TRRAP: variants seen among roughly 807,000 people sequenced by gnomAD.
The protein encoded by TRRAP is transformation/transcription domain associated protein.
A neutral mutation model predicts 438.8 loss-of-function variants in TRRAP; 41 were observed. The ratio of observed to expected loss-of-function variants is 0.09; its 90% CI spans 0.07 to 0.12. The LOEUF (loss-of-function observed/expected upper bound fraction) is 0.12. Among genes scored for constraint, TRRAP ranks in the 10% least tolerant of loss-of-function variants. The probability of loss-of-function intolerance (pLI) is 1.00; values close to 1 mark genes in which losing one functional copy is unlikely to be tolerated. For synonymous variants in TRRAP, 1,994 were observed against 1,962.9 expected (o/e 1.02, Z -0.42); for missense variants, 3,122 against 5,055.1 (o/e 0.62, Z 11.60).
At chr7:98,992,560 CGTGTGT>C (rs72517544) in intron 65 of TRRAP, among the ~76,000 whole-genome samples, 22 of 149,124 alleles carry the variant, frequency 1.5e-4, no homozygotes, top group South Asian at 8.6e-4. Context: ...TGCCAGCTGC[CGTGTGT>C]GTGTGTGTGT....
intron 8 of TRRAP, 134 bp downstream of exon 8, chr7:98,898,000 G>A: frequency 7.1e-7 from 1 of 1,399,182 alleles, no homozygotes; most frequent in Non-Finnish European, 9.9e-7. Context: ...AGCATCACTG[G>A]TCCTTCTCTG....
chr7:98,940,025 G>A (rs999880003), intron 30 of TRRAP, among the ~76,000 whole-genome samples: 11 of 152,014 alleles, frequency 7.2e-5, no homozygotes. Flanking sequence ...GGGATTACAG[G>A]TGTCTGCCAC....
intron 31 of TRRAP, among the ~76,000 whole-genome samples, chr7:98,945,264 A>G (rs310742): frequency 0.12 from 17,939 of 152,220 alleles, 3,268 homozygotes; most frequent in African/African-American, 0.39. Flanking sequence ...ACACAGAGCT[A>G]GTTTTAGGAA....
Position 99,008,414 on chromosome 7 carries a change from C to T in TRRAP, c.10791C>T (p.Leu3597=), listed in dbSNP as rs150520147. 15 of 1,614,116 alleles carry T rather than the reference C, an allele frequency of 9.3e-6. No homozygotes were observed. The highest frequency in any genetic ancestry group is 1.6e-4 in the Middle Eastern group (1 of 6,084). ...RVVAVSPQMR[L]VEDNPSSLSL... is the part of the protein sequence containing the mutation. ...TGGCAGTTTCCCCACAGATGCGCCT[C>T]GTGGAGGACAACCCCTCTTCACTTT... Residue 3597 remains leucine (L), a synonymous_variant, in exon 70 of 73, where the codon CTC becomes CTT. Transcript: ENST00000456197.
intron 65 of TRRAP, among the ~76,000 whole-genome samples, chr7:98,992,504 GT>G (rs1793470414): frequency 6.6e-6 from 1 of 152,148 alleles, no homozygotes; most frequent in Non-Finnish European, 1.5e-5. Context: ...AAACTGTAAA[GT>G]TTACCTTTCT....
In TRRAP at chr7:98,978,238, G is replaced by T; in HGVS notation, c.8413G>T (p.Asp2805Tyr). ...ACAAGAATCCTATGAAAAGGCAATGGATAAAGCCAAAAAAGAACATGAGAG... is the reference window on the plus strand; with the variant it reads ...ACAAGAATCCTATGAAAAGGCAATGTATAAAGCCAAAAAAGAACATGAGAG... Reference protein sequence around the residue: ...QAQESYEKAMDKAKKEHERSN... With the variant: ...QAQESYEKAMYKAKKEHERSN... The change falls in exon 57 of 73, where the codon GAT becomes TAT. Residue 2805 changes from aspartate to tyrosine, a missense_variant. Around this residue, in one of 24 missense-constraint regions of TRRAP, gnomAD observed 992 missense variants for 1,281.2 expected, o/e 0.77. Coordinates refer to ENST00000456197, the MANE Select transcript of TRRAP (RefSeq NM_001375524.1). 6.2e-7 allele frequency: 1 copy of T among 1,614,032 alleles called. No homozygotes were observed. The highest frequency in any genetic ancestry group is 8.5e-7 in the Non-Finnish European group (1 of 1,179,986).
At chr7:98,979,704 C>T (rs1423586704) in intron 58 of TRRAP, among the ~76,000 whole-genome samples, 1 of 152,210 alleles carries the variant, frequency 6.6e-6, no homozygotes, top group Non-Finnish European at 1.5e-5. Flanking sequence ...TATGCAGCGT[C>T]ACATGGTCCC....
In TRRAP at chr7:98,971,856, A is replaced by G. The variant is rs1357296242; in HGVS notation, c.7750A>G (p.Lys2584Glu). ...GGATCAGACCAGCACGCCCAAAACC[A>G]AAGAACTTTCAGAAAAGGACATTGG... ...PGDQTSTPKT[K>E]ELSEKDIGNQ... The change falls in exon 53 of 73, where the codon AAA (lysine) becomes GAA (glutamate). Residue 2584 changes from lysine to glutamate, a missense_variant. This residue lies in a region of TRRAP where 992 missense variants were observed against 1,281.2 expected (regional missense o/e 0.77). Coordinates refer to ENST00000456197, the MANE Select transcript of TRRAP (RefSeq NM_001375524.1). 6.2e-7 allele frequency: 1 copy of G among 1,614,226 alleles called. No individual in the cohort carries two copies. The highest frequency in any genetic ancestry group is 8.5e-7 in the Non-Finnish European group (1 of 1,180,048).
chr7:98,963,573 C>T lies in TRRAP; in HGVS notation c.6830-1056C>T, dbSNP rs139757534. ...GCCGGATCTGGGGTGTAGTCTCAGC[C>T]GTCTGCTCCATAGAGGAGAGCATAG... On this transcript the variant is annotated intron_variant, in intron 47 of 72. Transcript: ENST00000456197. Among the ~76,000 whole-genome samples the T allele has an allele frequency of 9.9e-4, 151 of 152,146 alleles. 1 individual carries two copies. The highest frequency in any genetic ancestry group is 3.6e-3 in the African/African-American group (148 of 41,504).
At chr7:98,954,116 G>A (rs1278113900) in intron 40 of TRRAP, among the ~76,000 whole-genome samples, 1 of 152,174 alleles carries the variant, frequency 6.6e-6, no homozygotes, top group Non-Finnish European at 1.5e-5. Context: ...TGTGCAGCTG[G>A]TATTGAGCGC....
Position 98,994,748 on chromosome 7 carries a change from G to C in TRRAP, c.10209G>C (p.Ser3403=), listed in dbSNP as rs780273644. 35 of 1,614,208 alleles carry C rather than the reference G, an allele frequency of 2.2e-5. No homozygotes were observed. Among genetic ancestry groups the C allele is most frequent in the Admixed American group, 3.3e-5 (2 of 60,022 alleles). Residue 3403 remains serine (S), a synonymous_variant, in exon 67 of 73, where the codon TCG becomes TCC. Transcript: ENST00000456197. The surrounding 1 kb of genome is among the most constrained non-coding windows in gnomAD (Gnocchi z 4.8). ...GCCTGGAGAATGTGTCCAACGTCTC[G>C]ACCATGTTCTCCAGCGCAGCCTCTG... The part of the protein sequence containing the change: ...GVGLENVSNV[S]TMFSSAASES...
chr7:98,978,437 GC>G, intron 57 of TRRAP, 114 bp downstream of exon 57: 1 of 951,482 alleles, frequency 1.1e-6, no homozygotes, highest in Non-Finnish European at 1.6e-6. Context: ...CTACTTTATG[GC>G]CACATAAAGA....
Position 98,930,635 on chromosome 7 carries a change from C to A in TRRAP, c.3396C>A (p.Ala1132=). The A allele has an allele frequency of 6.2e-7, 1 of 1,613,468 alleles. No individual in the cohort carries two copies. Among genetic ancestry groups the A allele is most frequent in the Non-Finnish European group, 8.5e-7 (1 of 1,179,994 alleles). ...GGTTTGTTCATTTTCCTCTCCAGGC[C>A]TGCCAGCTGCCCCTGTTTTCTTACA... ...ASIILGSKER[A]CQLPLFSYIV... Residue 1132 remains alanine, a splice_region_variant and synonymous_variant, in exon 25 of 73, where the codon GCC becomes GCA. Coordinates refer to ENST00000456197, the MANE Select transcript of TRRAP (RefSeq NM_001375524.1).
intron 67 of TRRAP, chr7:98,999,015 C>T: frequency 1.4e-6 from 1 of 711,982 alleles, no homozygotes; most frequent in Non-Finnish European, 2.4e-6. Flanking sequence ...GGCAGCACAC[C>T]ACATCTGCCA....
At position 98,917,683 on chromosome 7, in the gene TRRAP, G is replaced by A. The variant is rs1196907065; in HGVS notation, c.2622+4G>A. ...GGTGCGCGCAGAGCTCATGCAGGTA[G>A]GATTTTAGTGAGGTTGTTAGCTGGC... On this transcript the variant is annotated splice_donor_region_variant and intron_variant, in intron 20 of 72. Transcript: ENST00000456197. 2 of 1,610,990 alleles carry A rather than the reference G, an allele frequency of 1.2e-6. No homozygotes were observed. Among genetic ancestry groups the A allele is most frequent in the African/African-American group, 1.3e-5 (1 of 74,850 alleles).
chr7:98,912,283 C>T (rs532925107), intron 18 of TRRAP, 70 bp downstream of exon 18: 28 of 1,521,588 alleles, frequency 1.8e-5, no homozygotes, highest in Middle Eastern at 2.0e-4. Context: ...CAGGGCCTCA[C>T]GGTGGTGTCC....
At chr7:98,963,955 C>T (rs1054710027) in intron 47 of TRRAP, among the ~76,000 whole-genome samples, 1 of 151,938 alleles carries the variant, frequency 6.6e-6, no homozygotes, top group African/African-American at 2.4e-5. Context: ...GTGGCAGGTG[C>T]CTGTAATCCC....
chr7:98,997,237 C>T (rs1375206459), intron 67 of TRRAP, among the ~76,000 whole-genome samples: 4 of 151,782 alleles, frequency 2.6e-5, no homozygotes, highest in African/African-American at 4.8e-5. Context: ...ACTTGGGAGA[C>T]GGAGGTTGCA....
rs781983705 is a variant in TRRAP, at chr7:98,893,794, T to A, written c.367-4T>A. The A allele has an allele frequency of 5.6e-6, 9 of 1,612,390 alleles. No individual in the cohort carries two copies. The South Asian group carries it at 9.9e-5, about 18-fold the overall frequency. On this transcript the variant is annotated splice_polypyrimidine_tract_variant and splice_region_variant and intron_variant, in intron 5 of 72. Transcript: ENST00000456197. ...TATAACTTTCATTAAATGCTTTTTTTTAGACGGAAAATGAAGAAAATGTTC... is the reference window on the plus strand; with the variant it reads ...TATAACTTTCATTAAATGCTTTTTTATAGACGGAAAATGAAGAAAATGTTC...
Sources: gnomAD v4.1 joint callset for allele counts (sites outside exome capture counted in the v4.1 genomes callset) on GRCh38, gnomAD v4.1.1 for gene constraint, gnomAD v4.1.1 regional missense constraint, Gnocchi (gnomAD v3.1) non-coding constraint, MANE v1.5 for transcripts, NCBI Gene and HGNC (gene_info 2026-07-23, HGNC 2026-07-21) for gene names.